Variants in SLC9A9 observed in about 807,000 individuals in gnomAD.
The protein encoded by SLC9A9 is solute carrier family 9 member A9, also known as sodium/hydrogen exchanger 9.
In SLC9A9, 62 loss-of-function variants were observed where a neutral mutation model predicts 77.8. That is an observed-to-expected ratio of 0.80 (90% CI 0.65 to 0.98). The LOEUF (loss-of-function observed/expected upper bound fraction) is 0.98. Ranked by LOEUF, SLC9A9 falls within the 50% of genes least tolerant of loss-of-function variation. The pLI is 0.00. For synonymous variants in SLC9A9, 320 were observed against 283.5 expected, an observed-to-expected ratio of 1.13 and a Z score of -1.29; for missense variants, 775 against 774.9, an observed-to-expected ratio of 1.00 and a Z score of 0.00.
intron 11 of SLC9A9, among the ~76,000 whole-genome samples, chr3:143,485,088 A>G (rs1458865451): frequency 1.3e-5 from 2 of 152,216 alleles, no homozygotes; most frequent in African/African-American, 2.4e-5. Context: ...AAGTCTTCCA[A>G]CCTTCACCCT....
intron 4 of SLC9A9, among the ~76,000 whole-genome samples, chr3:143,734,890 G>GA (rs539553023): frequency 8.7e-4 from 132 of 152,254 alleles, no homozygotes; most frequent in African/African-American, 3.1e-3. Flanking sequence ...GATGGCTAAA[G>GA]AAAATCCCAG....
chr3:143,540,876 A>T (rs1162386836), intron 9 of SLC9A9, among the ~76,000 whole-genome samples: 5 of 152,220 alleles, frequency 3.3e-5, no homozygotes, highest in African/African-American at 2.4e-5. Flanking sequence ...ACAATTGTTG[A>T]TACTAAATTT....
intron 7 of SLC9A9, among the ~76,000 whole-genome samples, chr3:143,576,919 A>C (rs1473261404): frequency 3.3e-5 from 5 of 152,204 alleles, no homozygotes; most frequent in Admixed American, 6.5e-5. Context: ...TCTCAGGATG[A>C]AACTTTGGAG....
Position 143,796,891 on chromosome 3 carries a change from G to C in SLC9A9, c.391C>G (p.Pro131Ala). The C allele has an allele frequency of 6.2e-7, 1 of 1,611,836 alleles. No homozygotes were observed. Among genetic ancestry groups the C allele is most frequent in the Non-Finnish European group, 8.5e-7 (1 of 1,178,614 alleles). The change falls in exon 3 of 16, where the codon CCA becomes GCA. Residue 131 changes from proline (P) to alanine (A), a missense_variant. By Grantham distance (27) the Pro-to-Ala change is conservative (BLOSUM62 -1). Coordinates refer to ENST00000316549, the MANE Select transcript of SLC9A9 (RefSeq NM_173653.4). ...AGTAAAACATTGAAGAAGATTTCTG[G>C]ATCAAATGTCATCTGCCAGAAAGGA... Reference protein sequence around the residue: ...NAILEKMTFDPEIFFNVLLPP... With the variant: ...NAILEKMTFDAEIFFNVLLPP...
chr3:143,838,693 A>G (rs1211844955), intron 1 of SLC9A9, among the ~76,000 whole-genome samples: 1 of 152,246 alleles, frequency 6.6e-6, no homozygotes, highest in African/African-American at 2.4e-5. Flanking sequence ...TACCATCATT[A>G]GAACTTTGTA....
chr3:143,715,627 G>A (rs2108799286), intron 4 of SLC9A9, among the ~76,000 whole-genome samples: 1 of 152,284 alleles, frequency 6.6e-6, no homozygotes, highest in Admixed American at 6.5e-5. Flanking sequence ...CCAGATCCCT[G>A]GATCATGGAC....
At position 143,381,843 on chromosome 3, in the gene SLC9A9, G is replaced by A. The variant is rs1233708450; in HGVS notation, c.1524+217C>T. On this transcript the variant is annotated intron_variant, in intron 13 of 15. Transcript: ENST00000316549. ...TTTCCAGACTTCCTGCTGCCATAGA[G>A]AGGCTTGCAAGTACATGCTAGTTCT... 6.9e-6 allele frequency: 4 copies of A among 577,466 alleles called. No homozygotes were observed. In the East Asian group the frequency reaches 1.2e-4, roughly 17 times the overall value. 35.8% of individuals were successfully genotyped at this position (577,466 alleles called of 1,614,324 possible).
intron 9 of SLC9A9, among the ~76,000 whole-genome samples, chr3:143,534,066 G>GAAGA (rs1247744325): frequency 6.6e-6 from 1 of 152,074 alleles, no homozygotes; most frequent in Admixed American, 6.6e-5. Flanking sequence ...CTGTTTATGG[G>GAAGA]AAGAAAGCCC....
At chr3:143,768,296 GC>G (rs1321899211) in intron 4 of SLC9A9, among the ~76,000 whole-genome samples, 2 of 152,136 alleles carry the variant, frequency 1.3e-5, no homozygotes, top group Non-Finnish European at 2.9e-5. Flanking sequence ...TGTTAAGGGG[GC>G]ACTGCATATC....
At chr3:143,735,701 T>C (rs1050000310) in intron 4 of SLC9A9, among the ~76,000 whole-genome samples, 3 of 152,248 alleles carry the variant, frequency 2.0e-5, no homozygotes, top group African/African-American at 7.2e-5. Context: ...CTAATTTGAT[T>C]TCTCAGGTAT....
At chr3:143,456,679 C>T (rs1006608691) in intron 12 of SLC9A9, among the ~76,000 whole-genome samples, 5 of 151,928 alleles carry the variant, frequency 3.3e-5, no homozygotes, top group Non-Finnish European at 7.4e-5. Flanking sequence ...ATTCTCCTGC[C>T]TCAGCCTCCC....
At chr3:143,337,080 A>G (rs1238013285) in intron 14 of SLC9A9, among the ~76,000 whole-genome samples, 2 of 152,152 alleles carry the variant, frequency 1.3e-5, no homozygotes, top group African/African-American at 2.4e-5. Flanking sequence ...TAATCTATAT[A>G]TTTTAAAGGA....
chr3:143,775,388 A>C (rs1266884695), intron 4 of SLC9A9, among the ~76,000 whole-genome samples: 2 of 152,220 alleles, frequency 1.3e-5, no homozygotes, highest in Non-Finnish European at 2.9e-5. Flanking sequence ...AGGAAAAATT[A>C]AGAGGTTACA....
chr3:143,450,386 C>T (rs1204747239), intron 12 of SLC9A9, among the ~76,000 whole-genome samples: 1 of 150,918 alleles, frequency 6.6e-6, no homozygotes, highest in Non-Finnish European at 1.5e-5. Flanking sequence ...AGTGGTCATG[C>T]TATTTTTAAG....
intron 1 of SLC9A9, among the ~76,000 whole-genome samples, chr3:143,841,118 G>C (rs1436032479): frequency 6.6e-6 from 1 of 152,136 alleles, no homozygotes; most frequent in East Asian, 1.9e-4. Context: ...CAGCCCTGTT[G>C]ATTATCAGCA....
At chr3:143,401,536 T>C (rs1274238385) in intron 12 of SLC9A9, among the ~76,000 whole-genome samples, 1 of 152,198 alleles carries the variant, frequency 6.6e-6, no homozygotes, top group African/African-American at 2.4e-5. Context: ...AACTGGAAAC[T>C]AAGTTTTCAG....
At chr3:143,670,557 G>A (rs551848688) in intron 5 of SLC9A9, among the ~76,000 whole-genome samples, 8 of 152,298 alleles carry the variant, frequency 5.3e-5, no homozygotes, top group East Asian at 1.9e-4. Context: ...AGGTGACGTC[G>A]TCTGTGGCCC....
At chr3:143,650,835 A>G (rs1347942712) in intron 6 of SLC9A9, among the ~76,000 whole-genome samples, 1 of 152,164 alleles carries the variant, frequency 6.6e-6, no homozygotes, top group Non-Finnish European at 1.5e-5. Flanking sequence ...ACATGAGGAG[A>G]TACTACATGG....
intron 12 of SLC9A9, among the ~76,000 whole-genome samples, chr3:143,447,283 T>C (rs1376152003): frequency 6.6e-6 from 1 of 152,170 alleles, no homozygotes; most frequent in East Asian, 1.9e-4. Flanking sequence ...GCTCAGTGAC[T>C]GAAAAAAATT....
Sources: gnomAD v4.1 joint callset for allele counts (sites outside exome capture counted in the v4.1 genomes callset) on GRCh38, gnomAD v4.1.1 for gene constraint, MANE v1.5 for transcripts, NCBI Gene and HGNC (gene_info 2026-07-23, HGNC 2026-07-21) for gene names.